Variants in RGS6 observed in about 807,000 individuals in gnomAD.
The protein encoded by RGS6 is regulator of G protein signaling 6, also known as regulator of G-protein signaling 6.
In RGS6, 30 loss-of-function variants were observed where a neutral mutation model predicts 78.5. The ratio of observed to expected loss-of-function variants is 0.38; its 90% confidence interval spans 0.29 to 0.52. The LOEUF (loss-of-function observed/expected upper bound fraction) is 0.52. RGS6 is among the 20% of genes least tolerant of loss of function. RGS6 has a pLI of 0.85. For synonymous variants in RGS6, 206 were observed against 206.0 expected (o/e 1.00, Z 0.00); for missense variants, 495 against 609.7 (o/e 0.81, Z 1.98).
At chr14:72,211,366 C>T (rs2044106558) in intron 2 of RGS6, among the ~76,000 whole-genome samples, 1 of 152,142 alleles carries the variant, frequency 6.6e-6, no homozygotes, top group South Asian at 2.1e-4. Flanking sequence ...CCTTAACAAG[C>T]ATTGTTTTTG....
chr14:72,048,606 T>C (rs1165641552), intron 2 of RGS6, among the ~76,000 whole-genome samples: 1 of 152,128 alleles, frequency 6.6e-6, no homozygotes, highest in African/African-American at 2.4e-5. Flanking sequence ...TTATCAGGGG[T>C]TCTTAAAGGC....
chr14:72,042,523 C>A (rs893224883), intron 2 of RGS6, among the ~76,000 whole-genome samples: 1 of 152,108 alleles, frequency 6.6e-6, no homozygotes, highest in Non-Finnish European at 1.5e-5. Flanking sequence ...TTACTGTTAA[C>A]ATTTTATAGT....
intron 2 of RGS6, among the ~76,000 whole-genome samples, chr14:72,201,634 A>G (rs1033296807): frequency 2.6e-5 from 4 of 152,220 alleles, no homozygotes; most frequent in East Asian, 1.9e-4. Context: ...CAGTTTCTCT[A>G]CTATGCATTC....
chr14:72,273,821 A>T (rs1020531907), intron 2 of RGS6, among the ~76,000 whole-genome samples: 13 of 152,164 alleles, frequency 8.5e-5, no homozygotes, highest in African/African-American at 2.9e-4. Flanking sequence ...ATCCGTTTGC[A>T]AAAGCTATCA....
intron 2 of RGS6, among the ~76,000 whole-genome samples, chr14:72,119,007 A>G (rs2095980217): frequency 6.6e-6 from 1 of 152,068 alleles, no homozygotes; most frequent in South Asian, 2.1e-4. Context: ...GTTTTTTTGG[A>G]TAGATATTAT....
Position 72,117,437 on chromosome 14 carries a change from A to T in RGS6, c.84+152562A>T, listed in dbSNP as rs921347095. On this transcript the variant is annotated intron_variant, in intron 2 of 17. Coordinates refer to ENST00000553525, the MANE Select transcript of RGS6 (RefSeq NM_001204424.2). Reference sequence around the variant, plus strand: ...CCATGTGATGCATTGGCTCCCCCCCACCCTTCACCTTTCACCATGATTGTA... The same window carrying T: ...CCATGTGATGCATTGGCTCCCCCCCTCCCTTCACCTTTCACCATGATTGTA... Among the ~76,000 whole-genome samples, 3 of 146,222 alleles carry T rather than the reference A, an allele frequency of 2.1e-5. No homozygotes were observed. In the Admixed American group the frequency reaches 2.1e-4, roughly 10 times the overall value.
chr14:72,465,662 G>GGATGGT, intron 6 of RGS6, 96 bp from the exon 7 acceptor site: 1 of 443,040 alleles, frequency 2.3e-6, no homozygotes. Context: ...GGATGGATGG[G>GGATGGT]TGAATGGGTG....
chr14:72,238,194 A>G (rs1276785027), intron 2 of RGS6, among the ~76,000 whole-genome samples: 1 of 152,020 alleles, frequency 6.6e-6, no homozygotes, highest in Non-Finnish European at 1.5e-5. Flanking sequence ...ATAGTTTCGG[A>G]CACTCAGTTG....
chr14:72,016,336 G>A (rs191485762), intron 2 of RGS6, among the ~76,000 whole-genome samples: 8 of 152,240 alleles, frequency 5.3e-5, no homozygotes, highest in Admixed American at 2.6e-4. Flanking sequence ...GTGTGACTGT[G>A]TGTGGCTTCT....
At chr14:72,178,214 C>G (rs910543651) in intron 2 of RGS6, among the ~76,000 whole-genome samples, 2 of 152,244 alleles carry the variant, frequency 1.3e-5, no homozygotes, top group Admixed American at 1.3e-4. Flanking sequence ...ATCACATACA[C>G]TAAGCTATCT....
intron 3 of RGS6, among the ~76,000 whole-genome samples, chr14:72,431,084 A>T (rs772182555): frequency 6.6e-6 from 1 of 152,202 alleles, no homozygotes; most frequent in South Asian, 2.1e-4. Context: ...TTTATTAAGC[A>T]TGTATACTAT....
intron 1 of RGS6, among the ~76,000 whole-genome samples, chr14:71,936,115 A>G (rs2089304318): frequency 6.7e-6 from 1 of 149,530 alleles, no homozygotes; most frequent in South Asian, 2.1e-4. Context: ...ATATATGTAC[A>G]TATACCATAT....
intron 2 of RGS6, among the ~76,000 whole-genome samples, chr14:72,186,318 C>T (rs906264932): frequency 3.3e-5 from 5 of 152,256 alleles, no homozygotes; most frequent in Non-Finnish European, 5.9e-5. Flanking sequence ...AGATGGAATA[C>T]AGCCGAGTTT....
chr14:72,015,848 G>A (rs181637793), intron 2 of RGS6, among the ~76,000 whole-genome samples: 58 of 152,250 alleles, frequency 3.8e-4, no homozygotes, highest in Admixed American at 3.2e-3. Flanking sequence ...CTCAGTGGCC[G>A]TCTGAGTTTC....
chr14:72,257,630 C>T (rs2057341474), intron 2 of RGS6, among the ~76,000 whole-genome samples: 1 of 152,154 alleles, frequency 6.6e-6, no homozygotes. Flanking sequence ...TGTACACATA[C>T]TTTCTGAATC....
intron 3 of RGS6, chr14:72,420,913 G>C (rs2094140393): frequency 1.3e-5 from 2 of 152,292 alleles, no homozygotes; most frequent in Non-Finnish European, 2.9e-5. Context: ...CAGAAGCCTT[G>C]TGGCTTTCCA....
At chr14:72,567,183 C>T (rs1181042645), downstream of RGS6, among the ~76,000 whole-genome samples, 3 of 152,208 alleles carry the variant, frequency 2.0e-5, no homozygotes, top group Non-Finnish European at 4.4e-5. Flanking sequence ...AATGGGACTC[C>T]AGTCACAGCT....
the RGS6 span, among the ~76,000 whole-genome samples, chr14:72,593,797 C>A: frequency 1.3e-5 from 2 of 152,106 alleles, 1 homozygote; most frequent in South Asian, 4.1e-4. Flanking sequence ...TTTAAAAAAA[C>A]AAAAAATTAT....
intron 2 of RGS6, among the ~76,000 whole-genome samples, chr14:71,980,667 C>T (rs1341201919): frequency 3.7e-5 from 3 of 81,170 alleles, no homozygotes; most frequent in Admixed American, 1.2e-4. Flanking sequence ...GAGGGTAACC[C>T]GACCTTTCTC....
Sources: allele counts gnomAD v4.1 joint callset (sites outside exome capture counted in the v4.1 genomes callset), GRCh38; gene constraint gnomAD v4.1.1; transcripts MANE v1.5; gene names NCBI Gene and HGNC (gene_info 2026-07-23, HGNC 2026-07-21).